The following GRID2 variants were observed in gnomAD, a reference collection of about 807,000 sequenced individuals.
The protein encoded by GRID2 is glutamate ionotropic receptor delta type subunit 2, also known as glutamate receptor ionotropic, delta-2.
GRID2 carries 33 observed loss-of-function variants against 114.8 expected under a neutral mutation model. That is an observed-to-expected ratio of 0.29 (90% confidence interval 0.22 to 0.38). GRID2 has a LOEUF of 0.38. GRID2 is among the 10% of genes least tolerant of loss of function. The pLI is 1.00. For missense variants in GRID2, 1,184 were observed against 1,257.7 expected (o/e 0.94, Z 0.89); for synonymous variants, 505 against 449.9 (o/e 1.12, Z -1.55).
rs189059837 is a variant in GRID2, at chr4:93,279,075, A to G, written c.1245+40585A>G. ...ACCTTCAAGTATAAAAACTGCATTT[A>G]TAAATTAATTATATTTGATTACCCT... On this transcript the variant is annotated intron_variant, in intron 8 of 15. Transcript: ENST00000282020. Among the ~76,000 whole-genome samples the G allele has an allele frequency of 4.3e-3, 658 of 151,992 alleles. 3 individuals are homozygous for G. The highest frequency in any genetic ancestry group is 0.015 in the African/African-American group (630 of 41,512).
At chr4:93,212,947 A>T (rs1743727373) in intron 5 of GRID2, among the ~76,000 whole-genome samples, 5 of 151,774 alleles carry the variant, frequency 3.3e-5, no homozygotes, top group Admixed American at 1.3e-4. Flanking sequence ...TAATTTTTGT[A>T]TTTTTAGTAG....
chr4:93,249,075 C>T (rs1308879033), intron 8 of GRID2, among the ~76,000 whole-genome samples: 1 of 152,142 alleles, frequency 6.6e-6, no homozygotes, highest in African/African-American at 2.4e-5. Flanking sequence ...ATTCTGCTTT[C>T]AGTTTTCTGC....
intron 1 of GRID2, among the ~76,000 whole-genome samples, chr4:92,411,816 C>T (rs1318649982): frequency 1.3e-5 from 2 of 151,730 alleles, no homozygotes; most frequent in Admixed American, 6.6e-5. Flanking sequence ...CGCCATTCTC[C>T]TGCCTCAGCT....
intron 10 of GRID2, among the ~76,000 whole-genome samples, chr4:93,447,067 A>G (rs993773480): frequency 3.3e-5 from 5 of 151,858 alleles, no homozygotes; most frequent in African/African-American, 1.2e-4. Flanking sequence ...ACAAAGACAA[A>G]ATCTCAAACC....
chr4:92,648,346 C>T (rs1292167069), intron 2 of GRID2, among the ~76,000 whole-genome samples: 1 of 149,716 alleles, frequency 6.7e-6, no homozygotes, highest in Non-Finnish European at 1.5e-5. Context: ...TAAGCCTCCT[C>T]ATTTTTATTA....
intron 2 of GRID2, among the ~76,000 whole-genome samples, chr4:92,596,764 T>C (rs748757859): frequency 5.9e-5 from 9 of 151,884 alleles, no homozygotes; most frequent in Middle Eastern, 3.4e-3. Context: ...ATTAAAAATA[T>C]ATATATTTAG....
At chr4:92,927,383 T>C (rs1048878153) in intron 2 of GRID2, among the ~76,000 whole-genome samples, 2 of 151,824 alleles carry the variant, frequency 1.3e-5, no homozygotes, top group African/African-American at 4.8e-5. Context: ...AGAGAAAATA[T>C]TTTATTTTTC....
In GRID2 at chr4:93,490,633, C is replaced by A. The variant is rs752787548; in HGVS notation, c.1859-6C>A. 3.7e-6 allele frequency: 6 copies of A among 1,603,672 alleles called. No individual in the cohort carries two copies. The South Asian group carries it at 5.5e-5, about 15-fold the overall frequency. ...GTTCTTTTTATCTCTTTGCTTCTTT[C>A]TACAGGCGGGGAAGTCCCGTACACG... On this transcript the variant is annotated splice_polypyrimidine_tract_variant and splice_region_variant and intron_variant, in intron 11 of 15. Transcript: ENST00000282020.
intron 1 of GRID2, among the ~76,000 whole-genome samples, chr4:92,476,171 G>A (rs1015491449): frequency 4.0e-5 from 6 of 151,660 alleles, no homozygotes; most frequent in African/African-American, 1.5e-4. Context: ...GACTACAGGC[G>A]CCTGGCACCA....
At chr4:92,696,893 A>G (rs1308655224) in intron 2 of GRID2, among the ~76,000 whole-genome samples, 2 of 152,146 alleles carry the variant, frequency 1.3e-5, no homozygotes, top group African/African-American at 4.8e-5. Flanking sequence ...ATTTTATTTG[A>G]CATTCTTCTA....
At chr4:93,352,711 C>T (rs1760923817) in intron 8 of GRID2, among the ~76,000 whole-genome samples, 1 of 151,986 alleles carries the variant, frequency 6.6e-6, no homozygotes, top group Non-Finnish European at 1.5e-5. Context: ...CCATGGGCAA[C>T]AGAATGTCTC....
intron 2 of GRID2, among the ~76,000 whole-genome samples, chr4:92,695,125 C>T (rs939636957): frequency 2.0e-5 from 3 of 151,922 alleles, no homozygotes; most frequent in Non-Finnish European, 2.9e-5. Context: ...CACTACCACA[C>T]CTAGCTAATT....
At chr4:93,473,818 G>A (rs1725064732) in intron 11 of GRID2, among the ~76,000 whole-genome samples, 1 of 152,054 alleles carries the variant, frequency 6.6e-6, no homozygotes, top group Admixed American at 6.6e-5. Flanking sequence ...TTCAAATATT[G>A]TAAGAGTCTC....
At chr4:93,005,580 G>T (rs544609246) in intron 2 of GRID2, among the ~76,000 whole-genome samples, 1 of 152,080 alleles carries the variant, frequency 6.6e-6, no homozygotes, top group Non-Finnish European at 1.5e-5. Context: ...AAACAGGTAT[G>T]CAAATAAATA....
chr4:93,425,246 T>G (rs1768727491), intron 10 of GRID2, among the ~76,000 whole-genome samples: 1 of 152,216 alleles, frequency 6.6e-6, no homozygotes, highest in Admixed American at 6.5e-5. Context: ...CTTGGGATTA[T>G]GTCTCTGAAA....
intron 10 of GRID2, among the ~76,000 whole-genome samples, chr4:93,448,521 A>G (rs766048765): frequency 6.6e-6 from 1 of 152,000 alleles, no homozygotes; most frequent in Admixed American, 6.6e-5. Flanking sequence ...TCAATCATAT[A>G]TTGATTGGCC....
intron 1 of GRID2, among the ~76,000 whole-genome samples, chr4:92,567,181 T>C (rs1337692610): frequency 6.6e-6 from 1 of 152,062 alleles, no homozygotes; most frequent in Non-Finnish European, 1.5e-5. Flanking sequence ...TCGGATCAGA[T>C]AACCTCCAGT....
intron 2 of GRID2, among the ~76,000 whole-genome samples, chr4:92,630,290 A>G (rs1030857029): frequency 4.6e-5 from 7 of 152,022 alleles, no homozygotes; most frequent in Non-Finnish European, 1.0e-4. Flanking sequence ...TTCATCACAA[A>G]CTCCGTGTGT....
At chr4:92,655,902 G>T (rs1478580835) in intron 2 of GRID2, among the ~76,000 whole-genome samples, 1 of 151,462 alleles carries the variant, frequency 6.6e-6, no homozygotes, top group African/African-American at 2.4e-5. Flanking sequence ...CCAGTACCAA[G>T]TTTAATAATA....
Sources: allele counts gnomAD v4.1 joint callset (sites outside exome capture counted in the v4.1 genomes callset), GRCh38; gene constraint gnomAD v4.1.1; transcripts MANE v1.5; gene names NCBI Gene and HGNC (gene_info 2026-07-23, HGNC 2026-07-21).